Variants in WDR49 observed in about 807,000 individuals in gnomAD.
The protein encoded by WDR49 is WD repeat domain 49, also known as cilia- and flagella-associated protein 337.
A neutral mutation model predicts 119.5 loss-of-function variants in WDR49; 107 were observed. That is an observed-to-expected ratio of 0.90 (90% CI 0.77 to 1.05). WDR49 has a LOEUF of 1.05. WDR49 is among the 50% of genes least tolerant of loss of function. The pLI is 0.00. For synonymous variants in WDR49, 425 were observed against 418.8 expected, an observed-to-expected ratio of 1.01 and a Z score of -0.18; for missense variants, 1,240 against 1,220.5, an observed-to-expected ratio of 1.02 and a Z score of -0.24.
intron 2 of WDR49, among the ~76,000 whole-genome samples, chr3:167,630,238 C>G (rs566339115): frequency 1.3e-5 from 2 of 152,244 alleles, no homozygotes; most frequent in Admixed American, 6.5e-5. Flanking sequence ...CAGACATCAA[C>G]ATCAAAGCAA....
At chr3:167,621,315 G>T (rs1055877300) in intron 4 of WDR49, among the ~76,000 whole-genome samples, 152 bp downstream of exon 4, 1 of 152,064 alleles carries the variant, frequency 6.6e-6, no homozygotes, top group African/African-American at 2.4e-5. Context: ...AAGACAAATT[G>T]TGACCTAATC....
chr3:167,652,857 T>C (rs1718452750), intron 2 of WDR49, among the ~76,000 whole-genome samples: 1 of 152,176 alleles, frequency 6.6e-6, no homozygotes, highest in South Asian at 2.1e-4. Flanking sequence ...GTATGCATAT[T>C]TGCATTTGCT....
At chr3:167,520,343 G>T (rs1006832611) in intron 16 of WDR49, among the ~76,000 whole-genome samples, 94 of 152,000 alleles carry the variant, frequency 6.2e-4, no homozygotes, top group African/African-American at 2.1e-3. Context: ...TGTAATACTT[G>T]CCTTCACTCT....
At chr3:167,603,125 A>G (rs930625126) in intron 6 of WDR49, among the ~76,000 whole-genome samples, 2 of 152,176 alleles carry the variant, frequency 1.3e-5, no homozygotes, top group African/African-American at 4.8e-5. Flanking sequence ...ATGGAATAAG[A>G]TATTTTTGAA....
In WDR49 at chr3:167,536,871, C is replaced by A; in HGVS notation, c.1953G>T (p.Thr651=). ...AAFLPPQTLV[T]GSYDGEIVLW... ...TTGTCAAGTGAAAGTTCAATTTACC[C>A]GTAACAAGAGTTTGTGGAGGTAAAA... The change falls in exon 11 of 19, where the codon ACG becomes ACT. Residue 651 remains threonine (T), a splice_region_variant and synonymous_variant. Coordinates refer to ENST00000682715, the MANE Select transcript of WDR49 (RefSeq NM_001366157.1). 1 of 1,491,994 alleles carries A rather than the reference C, an allele frequency of 6.7e-7. No individual in the cohort carries two copies. The highest frequency in any genetic ancestry group is 8.9e-7 in the Non-Finnish European group (1 of 1,117,718). The allele number at this position is 1,491,994 out of a possible 1,614,324, so 92.4% of individuals were successfully genotyped here.
At chr3:167,648,863 G>C (rs147388963) in intron 2 of WDR49, among the ~76,000 whole-genome samples, 6 of 152,216 alleles carry the variant, frequency 3.9e-5, no homozygotes, top group African/African-American at 1.4e-4. Context: ...TTTACTTTAT[G>C]TGAACAGGAA....
At chr3:167,520,392 G>A (rs1291379062) in intron 16 of WDR49, among the ~76,000 whole-genome samples, 4 of 152,090 alleles carry the variant, frequency 2.6e-5, no homozygotes, top group African/African-American at 9.7e-5. Flanking sequence ...TGATCTGTCT[G>A]TGTTACCCTA....
At chr3:167,498,092 G>C (rs1023032859) in intron 18 of WDR49, among the ~76,000 whole-genome samples, 2 of 151,942 alleles carry the variant, frequency 1.3e-5, no homozygotes, top group Non-Finnish European at 2.9e-5. Context: ...CACCTGCCTC[G>C]GTCTCCCAAT....
chr3:167,593,113 A>G (rs1715226120), intron 7 of WDR49, among the ~76,000 whole-genome samples: 1 of 152,068 alleles, frequency 6.6e-6, no homozygotes, highest in Non-Finnish European at 1.5e-5. Flanking sequence ...GGTGTTCTAT[A>G]GCCTTCTTGT....
At chr3:167,571,778 A>C (rs552535943) in intron 8 of WDR49, among the ~76,000 whole-genome samples, 1 of 152,332 alleles carries the variant, frequency 6.6e-6, no homozygotes, top group South Asian at 2.1e-4. Context: ...AATTTCTTAC[A>C]ATAATCATGT....
chr3:167,591,806 T>C (rs991617083), intron 7 of WDR49, among the ~76,000 whole-genome samples: 4 of 152,144 alleles, frequency 2.6e-5, no homozygotes, highest in African/African-American at 9.7e-5. Context: ...GTCTTTCTTG[T>C]AGGCAATAGA....
At chr3:167,609,015 G>A (rs571686852) in intron 5 of WDR49, among the ~76,000 whole-genome samples, 142 of 152,264 alleles carry the variant, frequency 9.3e-4, no homozygotes, top group Non-Finnish European at 1.7e-3. Context: ...ATGTGGGAAA[G>A]TGATTTGAAA....
Position 167,536,870 on chromosome 3 carries a change from C to A in WDR49, c.1954G>T (p.Gly652Trp). Residue 652 changes from glycine to tryptophan, a missense_variant and splice_region_variant, in exon 11 of 19, where the codon GGG becomes TGG. Physicochemically the swap from Gly to Trp is radical, Grantham distance 184. Transcript: ENST00000682715. ...ATTGTCAAGTGAAAGTTCAATTTAC[C>A]CGTAACAAGAGTTTGTGGAGGTAAA... ...AFLPPQTLVT[G>W]SYDGEIVLWN... 2 of 1,484,546 alleles carry A rather than the reference C, an allele frequency of 1.3e-6. No homozygotes were observed. The highest frequency in any genetic ancestry group is 1.5e-5 in the South Asian group (1 of 67,160). 92.0% of individuals were successfully genotyped at this position (1,484,546 alleles called of 1,614,324 possible). A position where few individuals can be genotyped will look rare whatever the true frequency, so the allele number is the denominator to read the frequency against.
intron 18 of WDR49, among the ~76,000 whole-genome samples, chr3:167,488,339 C>T (rs1252079501): frequency 6.6e-6 from 1 of 151,876 alleles, no homozygotes; most frequent in African/African-American, 2.4e-5. Flanking sequence ...AAGGGTTAAA[C>T]ACTGAGCACA....
intron 7 of WDR49, among the ~76,000 whole-genome samples, chr3:167,592,413 G>T (rs1159036828): frequency 1.3e-5 from 2 of 149,486 alleles, no homozygotes; most frequent in Non-Finnish European, 3.0e-5. Context: ...GTTTTGTACC[G>T]TTAGATGATT....
chr3:167,519,643 G>T (rs1053738949), intron 16 of WDR49, among the ~76,000 whole-genome samples: 3 of 152,032 alleles, frequency 2.0e-5, no homozygotes, highest in African/African-American at 7.2e-5. Context: ...CAGGGGTGGG[G>T]GATGGGGGAG....
chr3:167,584,765 C>T (rs1453371386), intron 7 of WDR49, among the ~76,000 whole-genome samples: 3 of 151,502 alleles, frequency 2.0e-5, no homozygotes, highest in Non-Finnish European at 1.5e-5. Context: ...AAGTTAAATG[C>T]AAAAATAATC....
chr3:167,603,103 A>C (rs1577269551), intron 6 of WDR49, among the ~76,000 whole-genome samples: 1 of 152,128 alleles, frequency 6.6e-6, no homozygotes, highest in Non-Finnish European at 1.5e-5. Flanking sequence ...TATACTTTTG[A>C]CCTGCTTTAT....
chr3:167,492,129 T>C (rs1751159735), intron 18 of WDR49, among the ~76,000 whole-genome samples: 1 of 150,520 alleles, frequency 6.6e-6, no homozygotes, highest in South Asian at 2.1e-4. Context: ...GCAGGAGAAA[T>C]ATATTGGTAA....
Sources: allele counts gnomAD v4.1 joint callset (sites outside exome capture counted in the v4.1 genomes callset), GRCh38; gene constraint gnomAD v4.1.1; transcripts MANE v1.5; gene names NCBI Gene and HGNC (gene_info 2026-07-23, HGNC 2026-07-21).